The following OTOA variants were observed in gnomAD, a reference collection of about 807,000 sequenced individuals.
OTOA encodes cancer/testis antigen 108.
In OTOA, 70 loss-of-function variants were observed where a neutral mutation model predicts 110.8. That is an observed-to-expected ratio of 0.63 (90% CI 0.52 to 0.77). The LOEUF (loss-of-function observed/expected upper bound fraction) is 0.77. Among genes scored for constraint, OTOA ranks in the 30% least tolerant of loss-of-function variants. The probability of loss-of-function intolerance (pLI) is 0.00; values close to 1 mark genes in which losing one functional copy is unlikely to be tolerated. For missense variants in OTOA, 917 were observed against 1,075.8 expected (o/e 0.85, Z 2.06); for synonymous variants, 373 against 431.5 (o/e 0.86, Z 1.68).
chr16:21,708,445 C>T (rs1413878978), intron 12 of OTOA, among the ~76,000 whole-genome samples: 2 of 151,910 alleles, frequency 1.3e-5, no homozygotes, highest in African/African-American at 2.4e-5. Flanking sequence ...ATCTGTGACC[C>T]GGAGTCTGGG....
At chr16:21,671,451 G>A (rs1966848892) in intron 1 of OTOA, among the ~76,000 whole-genome samples, 1 of 151,876 alleles carries the variant, frequency 6.6e-6, no homozygotes, top group African/African-American at 2.4e-5. Flanking sequence ...GCCTGGTGTG[G>A]TGGTGGGTAC....
At position 21,678,377 on chromosome 16, in the gene OTOA, C is replaced by T. The variant is rs1966865859; in HGVS notation, c.-4-134C>T. On this transcript the variant is annotated intron_variant, in intron 1 of 28. Coordinates refer to ENST00000646100, the MANE Select transcript of OTOA (RefSeq NM_144672.4). ...AAGACTTCAAGGGATTCTGGGTGTACTTGGTTTTTCCTTTTGTCTTCTGAA... is the reference window on the plus strand; with the variant it reads ...AAGACTTCAAGGGATTCTGGGTGTATTTGGTTTTTCCTTTTGTCTTCTGAA... 4 of 560,110 alleles carry T rather than the reference C, an allele frequency of 7.1e-6. No individual in the cohort carries two copies. The South Asian group carries it at 1.1e-4, about 15-fold the overall frequency. The allele number at this position is 560,110 out of a possible 1,614,324, so 34.7% of individuals were successfully genotyped here.
rs532667148 is a variant in OTOA at position 21,680,870 on chromosome 16, A to G, written c.180-868A>G. On this transcript the variant is annotated intron_variant, in intron 5 of 28. Coordinates refer to ENST00000646100, the MANE Select transcript of OTOA (RefSeq NM_144672.4). Reference sequence around the variant, plus strand: ...TCTGTCTCCAAAAAAAAAAAAAAAAATGAGAAAAGGCTATTCATGGGCATT... The same window carrying G: ...TCTGTCTCCAAAAAAAAAAAAAAAAGTGAGAAAAGGCTATTCATGGGCATT... Among the ~76,000 whole-genome samples, 26 of 151,850 alleles carry G rather than the reference A, an allele frequency of 1.7e-4. No individual in the cohort carries two copies. In the South Asian group the frequency reaches 5.4e-3, roughly 32 times the overall value.
chr16:21,689,876 G>C (rs754078376), intron 8 of OTOA, among the ~76,000 whole-genome samples: 16 of 152,042 alleles, frequency 1.1e-4, no homozygotes, highest in Non-Finnish European at 2.2e-4. Context: ...AGTAGAGACA[G>C]AGTTTCATCA....
intron 27 of OTOA, among the ~76,000 whole-genome samples, chr16:21,756,546 C>T (rs1468907445): frequency 1.3e-5 from 2 of 152,036 alleles, no homozygotes; most frequent in East Asian, 3.9e-4. Context: ...TTTCCCCCTC[C>T]ACATCAGTGT....
intron 3 of OTOA, 39 bp downstream of exon 3, chr16:21,678,982 C>G (rs1415878104): frequency 6.2e-7 from 1 of 1,613,638 alleles, no homozygotes; most frequent in Admixed American, 1.7e-5. Context: ...GTCCCCTCTA[C>G]TGGAATTGCC....
At position 21,678,853 on chromosome 16, in the gene OTOA, A is replaced by T. The variant is rs534194706; in HGVS notation, c.92-62A>T. ...TTCTGGGGCTTTTCCTCTAACCCAT[A>T]TTTGTAGTTTTGAAGGTCACACAAT... On this transcript the variant is annotated intron_variant, in intron 2 of 28. Transcript: ENST00000646100. 730 of 1,582,024 alleles carry T rather than the reference A, an allele frequency of 4.6e-4. 5 individuals carry two copies. Among genetic ancestry groups the T allele is most frequent in the South Asian group, 2.8e-3 (253 of 90,518 alleles).
intron 1 of OTOA, 24 bp from the exon 2 acceptor site, chr16:21,678,487 C>T (rs1349741332): frequency 6.5e-7 from 1 of 1,539,360 alleles, no homozygotes; most frequent in African/African-American, 1.4e-5. Context: ...ACATGAATCA[C>T]TTCTATGCTT....
chr16:21,687,646 C>T lies in OTOA; in HGVS notation c.633C>T (p.Asn211=). 1.2e-6 allele frequency: 2 copies of T among 1,610,596 alleles called. No individual in the cohort carries two copies. Among genetic ancestry groups the T allele is most frequent in the Admixed American group, 1.7e-5 (1 of 59,720 alleles). ...PRDLREDAFK[N]LSAVFKDLYD... Reference sequence around the variant, plus strand: ...ACCTGCGCGAGGATGCCTTTAAGAACCTGTGAGTGGTTCCTCCGAACTTTT... The same window carrying T: ...ACCTGCGCGAGGATGCCTTTAAGAATCTGTGAGTGGTTCCTCCGAACTTTT... Residue 211 remains asparagine, a splice_region_variant and synonymous_variant, in exon 8 of 29, where the codon AAC becomes AAT. Coordinates refer to ENST00000646100, the MANE Select transcript of OTOA (RefSeq NM_144672.4).
intron 10 of OTOA, 38 bp from the exon 11 acceptor site, chr16:21,700,850 C>A: frequency 6.2e-7 from 1 of 1,613,056 alleles, no homozygotes; most frequent in South Asian, 1.1e-5. Flanking sequence ...CCACTTCCAC[C>A]CTCCTCACTG....
At chr16:21,726,404 G>A in intron 18 of OTOA, 119 bp from the exon 19 acceptor site, 1 of 1,432,624 alleles carries the variant, frequency 7.0e-7, no homozygotes, top group East Asian at 2.3e-5. Context: ...GCATCACTGG[G>A]AAGAACAAAC....
At chr16:21,691,061 C>A (rs923414468) in intron 8 of OTOA, among the ~76,000 whole-genome samples, 1 of 146,690 alleles carries the variant, frequency 6.8e-6, no homozygotes, top group Non-Finnish European at 1.5e-5. Context: ...TGAGAACATG[C>A]GGTGTTTGGT....
Position 21,681,819 on chromosome 16 carries a change from C to A in OTOA, c.261C>A (p.Ser87Arg), listed in dbSNP as rs376927793. Residue 87 changes from serine to arginine, a missense_variant, in exon 6 of 29, where the codon AGC becomes AGA. Ser to Arg is a moderately radical substitution (Grantham distance 110, BLOSUM62 -1). Coordinates refer to ENST00000646100, the MANE Select transcript of OTOA (RefSeq NM_144672.4). ...NSRNVAFTIP[S>R]LQAAVENHLE... ...GGAATGTTGCCTTCACCATCCCCAG[C>A]CTGCAGGTGTGTACCTGAGACCCAT... is the stretch of plus-strand genomic sequence containing the variant. The A allele has an allele frequency of 3.5e-5, 56 of 1,613,418 alleles. No individual in the cohort carries two copies. The highest frequency in any genetic ancestry group is 4.6e-5 in the Non-Finnish European group (54 of 1,179,446).
chr16:21,700,537 C>G (rs1898030646), intron 10 of OTOA, among the ~76,000 whole-genome samples: 1 of 151,868 alleles, frequency 6.6e-6, no homozygotes. Context: ...CCAGCCTGGA[C>G]AACATGGTGA....
intron 13 of OTOA, among the ~76,000 whole-genome samples, chr16:21,713,291 G>A (rs1898415861): frequency 6.6e-6 from 1 of 152,104 alleles, no homozygotes; most frequent in South Asian, 2.1e-4. Flanking sequence ...AGTTTTTAAA[G>A]CTGGGTTTGG....
At chr16:21,681,678 C>G in intron 5 of OTOA, 60 bp from the exon 6 acceptor site, 2 of 1,438,094 alleles carry the variant, frequency 1.4e-6, no homozygotes, top group South Asian at 1.2e-5. Flanking sequence ...TTAGCTAGTA[C>G]AGTAGTGCTT....
intron 2 of OTOA, 106 bp downstream of exon 2, chr16:21,678,711 T>A (rs1043613703): frequency 5.9e-6 from 7 of 1,192,608 alleles, no homozygotes; most frequent in Non-Finnish European, 8.7e-6. Flanking sequence ...TTTTGGGCTG[T>A]GTGTGTGTGC....
chr16:21,665,420 G>A (rs1199946319), intron 1 of OTOA, among the ~76,000 whole-genome samples: 3 of 152,154 alleles, frequency 2.0e-5, no homozygotes, highest in African/African-American at 7.2e-5. Flanking sequence ...AGAGAGGCGT[G>A]TACTTAGTTC....
chr16:21,679,403 AT>A (rs370959773), intron 5 of OTOA, among the ~76,000 whole-genome samples, 192 bp downstream of exon 5: 1 of 151,582 alleles, frequency 6.6e-6, no homozygotes, highest in Non-Finnish European at 1.5e-5. Context: ...ATAAGGGCCA[AT>A]TTTTTTTCTT....
Sources: gnomAD v4.1 joint callset for allele counts (sites outside exome capture counted in the v4.1 genomes callset) on GRCh38, gnomAD v4.1.1 for gene constraint, MANE v1.5 for transcripts, NCBI Gene and HGNC (gene_info 2026-07-23, HGNC 2026-07-21) for gene names.